The following STK24 variants were observed in gnomAD, a reference collection of about 807,000 sequenced individuals.
The protein encoded by STK24 is serine/threonine-protein kinase 24.
A neutral mutation model predicts 55.6 loss-of-function variants in STK24; 21 were observed. The observed-to-expected ratio is 0.38, with a 90% CI of 0.27 to 0.54. STK24 has a LOEUF of 0.54. STK24 is among the 20% of genes least tolerant of loss of function. The pLI, the probability that STK24 is intolerant of heterozygous loss-of-function variation, is 0.79. For missense variants in STK24, 383 were observed against 538.4 expected (o/e 0.71, Z 2.86); for synonymous variants, 200 against 215.2 (o/e 0.93, Z 0.62).
At chr13:98,569,623 T>C (rs1170994981) in intron 1 of STK24, among the ~76,000 whole-genome samples, 1 of 151,908 alleles carries the variant, frequency 6.6e-6, no homozygotes, top group Non-Finnish European at 1.5e-5. Flanking sequence ...ATGAGAAGCA[T>C]TACCAAAAGA....
chr13:98,461,839 G>A lies in STK24; in HGVS notation c.988C>T (p.Arg330Ter). The change falls in exon 8 of 11, where the codon CGA (arginine) becomes TGA (stop). Residue 330 changes from arginine to a stop codon, truncating the protein, a stop_gained. Coordinates refer to ENST00000539966, the MANE Select transcript of STK24 (RefSeq NM_001032296.4). LOFTEE classifies it high-confidence loss of function. ...TCGAGATTCTTGGGATCTTTTTCTCGGATTGTGAAGATCCAGTCCCCAGAA... is the reference window on the plus strand; with the variant it reads ...TCGAGATTCTTGGGATCTTTTTCTCAGATTGTGAAGATCCAGTCCCCAGAA... ...SDSGDWIFTIREKDPKNLENG... is the reference protein window; with the variant it reads ...SDSGDWIFTI 6.2e-7 allele frequency: 1 copy of A among 1,614,046 alleles called. No homozygotes were observed. Among genetic ancestry groups the A allele is most frequent in the Non-Finnish European group, 8.5e-7 (1 of 1,179,982 alleles).
intron 1 of STK24, among the ~76,000 whole-genome samples, chr13:98,535,617 C>T (rs1191891835): frequency 2.6e-5 from 4 of 152,242 alleles, no homozygotes; most frequent in South Asian, 2.1e-4. Flanking sequence ...TGCTGGGCAG[C>T]GTTCACAAAT....
intron 2 of STK24, 120 bp downstream of exon 2, chr13:98,519,122 CA>C: frequency 1.3e-6 from 1 of 759,168 alleles, no homozygotes. Flanking sequence ...TCACGAAGGT[CA>C]AAACATCTCT....
chr13:98,499,207 C>T (rs1034955110), intron 2 of STK24, among the ~76,000 whole-genome samples: 3 of 151,554 alleles, frequency 2.0e-5, no homozygotes, highest in African/African-American at 7.3e-5. Flanking sequence ...CACTGCACTC[C>T]AACCTGGGCA....
intron 1 of STK24, among the ~76,000 whole-genome samples, chr13:98,521,005 G>C (rs1411346087): frequency 1.3e-5 from 2 of 152,230 alleles, no homozygotes; most frequent in African/African-American, 2.4e-5. Context: ...TACCCAACGG[G>C]AAATGCGTCC....
chr13:98,476,849 C>T (rs1894396832), intron 3 of STK24, among the ~76,000 whole-genome samples: 1 of 152,248 alleles, frequency 6.6e-6, no homozygotes, highest in South Asian at 2.1e-4. Context: ...ACACTGGCCT[C>T]GCTGGGACTC....
chr13:98,552,278 C>T (rs1210634688), intron 1 of STK24, among the ~76,000 whole-genome samples: 1 of 152,066 alleles, frequency 6.6e-6, no homozygotes, highest in Non-Finnish European at 1.5e-5. Flanking sequence ...AACGACCACC[C>T]ACAGGAACAA....
In STK24 at chr13:98,445,782, T is replaced by TA; in HGVS notation, c.*7390_*7391insT. On this transcript the variant is annotated 3_prime_UTR_variant, in exon 11 of 11. Coordinates refer to ENST00000539966, the MANE Select transcript of STK24 (RefSeq NM_001032296.4). ...CACCCTACCCCAGTGTGATCTCGTC[T>TA]TCACTAGTTACCCTGCAACGAGCCT... The TA allele has an allele frequency of 4.3e-6, 1 of 230,268 alleles. No individual in the cohort carries two copies. Among genetic ancestry groups the TA allele is most frequent in the Non-Finnish European group, 8.7e-6 (1 of 115,180 alleles). The allele number at this position is 230,268 out of a possible 1,614,324, so 14.3% of individuals were successfully genotyped here. A position where few individuals can be genotyped will look rare whatever the true frequency, so the allele number is the denominator to read the frequency against.
In STK24 at chr13:98,464,686, G is replaced by A. The variant is rs186062235; in HGVS notation, c.784-850C>T. Among the ~76,000 whole-genome samples, 923 of 151,554 alleles carry A rather than the reference G, an allele frequency of 6.1e-3. 6 individuals are homozygous for A. The highest frequency in any genetic ancestry group is 0.021 in the African/African-American group (869 of 41,360). ...AATTTTTTGTATTTTTAGTAGAAAC[G>A]GGATTTCACCATGTTAGCCAGGCTG... On this transcript the variant is annotated intron_variant, in intron 6 of 10. Transcript: ENST00000539966.
At chr13:98,507,264 T>G (rs1257375104) in intron 2 of STK24, among the ~76,000 whole-genome samples, 2 of 152,238 alleles carry the variant, frequency 1.3e-5, no homozygotes, top group Non-Finnish European at 2.9e-5. Flanking sequence ...AACCGTCAGG[T>G]GCAGGGAAGC....
intron 1 of STK24, among the ~76,000 whole-genome samples, chr13:98,563,330 G>A (rs182429043): frequency 6.6e-6 from 1 of 152,144 alleles, no homozygotes; most frequent in African/African-American, 2.4e-5. Flanking sequence ...GCAGTTGGGG[G>A]ACCGAGGCCA....
chr13:98,495,418 G>A (rs1227318509), intron 2 of STK24, among the ~76,000 whole-genome samples: 1 of 152,156 alleles, frequency 6.6e-6, no homozygotes, highest in African/African-American at 2.4e-5. Flanking sequence ...AGATACCCCA[G>A]ACAAGAGGTT....
At chr13:98,483,256 C>A (rs1894669735) in intron 2 of STK24, among the ~76,000 whole-genome samples, 1 of 152,220 alleles carries the variant, frequency 6.6e-6, no homozygotes, top group African/African-American at 2.4e-5. Context: ...AAGAGCCTGG[C>A]CACGGCGAGC....
At chr13:98,457,108 A>G (rs2139242834) in intron 10 of STK24, 60 bp downstream of exon 10, 6 of 1,577,516 alleles carry the variant, frequency 3.8e-6, no homozygotes, top group South Asian at 1.1e-5. Flanking sequence ...CTCATCAACT[A>G]AGTCCCAGCC....
At chr13:98,546,177 T>C (rs866882005) in intron 1 of STK24, among the ~76,000 whole-genome samples, 2 of 152,276 alleles carry the variant, frequency 1.3e-5, no homozygotes, top group Middle Eastern at 3.4e-3. Context: ...TGATGCCTAG[T>C]GCCACCCCCA....
chr13:98,452,982 A>G lies in STK24; in HGVS notation c.*191T>C, dbSNP rs1340774691. On this transcript the variant is annotated 3_prime_UTR_variant, in exon 11 of 11. Transcript: ENST00000539966. The stretch of plus-strand genomic sequence containing the variant: ...TGGAAGGAGCTGACCCTCCCCACCC[A>G]TCTGAGAGACTTCATCTGGCTGCAG... The G allele has an allele frequency of 3.8e-6, 2 of 531,614 alleles. No individual in the cohort carries two copies. Among genetic ancestry groups the G allele is most frequent in the Non-Finnish European group, 6.6e-6 (2 of 303,620 alleles). The allele number at this position is 531,614 out of a possible 1,614,324, so 32.9% of individuals were successfully genotyped here.
chr13:98,549,760 A>C (rs897718210), intron 1 of STK24, among the ~76,000 whole-genome samples: 1 of 152,236 alleles, frequency 6.6e-6, no homozygotes, highest in Non-Finnish European at 1.5e-5. Flanking sequence ...ATTGCTTTAT[A>C]GCAACAGAAG....
At chr13:98,526,062 G>C (rs964566474) in intron 1 of STK24, among the ~76,000 whole-genome samples, 1 of 152,226 alleles carries the variant, frequency 6.6e-6, no homozygotes, top group Non-Finnish European at 1.5e-5. Context: ...AGCGGGTGAG[G>C]GATGGTGGCT....
chr13:98,446,088 T>TGC lies in STK24; in HGVS notation c.*7083_*7084dup. 6.2e-7 allele frequency: 1 copy of TGC among 1,602,566 alleles called. No homozygotes were observed. Reference sequence around the variant, plus strand: ...CCGCTGTGCTTCTCACAGGCCTCCTTGCCTTTCAGAATCAGTTGTCTGGAA... The same window carrying TGC: ...CCGCTGTGCTTCTCACAGGCCTCCTTGCGCCTTTCAGAATCAGTTGTCTGGAA... On this transcript the variant is annotated 3_prime_UTR_variant, in exon 11 of 11. Coordinates refer to ENST00000539966, the MANE Select transcript of STK24 (RefSeq NM_001032296.4).
Sources: gnomAD v4.1 joint callset for allele counts (sites outside exome capture counted in the v4.1 genomes callset) on GRCh38, gnomAD v4.1.1 for gene constraint, MANE v1.5 for transcripts, NCBI Gene and HGNC (gene_info 2026-07-23, HGNC 2026-07-21) for gene names.